Variants in IL1RN observed in about 807,000 individuals in gnomAD.
IL1RN encodes interleukin 1 receptor antagonist.
In IL1RN, 10 loss-of-function variants were observed where a neutral mutation model predicts 13.7. The ratio of observed to expected loss-of-function variants is 0.73; its 90% CI spans 0.45 to 1.24. IL1RN has a LOEUF of 1.24. IL1RN is among the 50% of genes most tolerant of loss of function. The pLI, the probability that IL1RN is intolerant of heterozygous loss-of-function variation, is 0.00. For synonymous variants in IL1RN, 102 were observed against 82.7 expected (o/e 1.23, Z -1.27); for missense variants, 213 against 222.1 (o/e 0.96, Z 0.26).
chr2:113,107,398 C>T (rs1686403135), upstream of IL1RN: 1 of 152,102 alleles, frequency 6.6e-6, no homozygotes, highest in African/African-American at 2.4e-5. Context: ...GAGAGAAAAA[C>T]TAACTGTTAA....
At chr2:113,101,106 T>C in the IL1RN span, among the ~76,000 whole-genome samples, 1 of 151,950 alleles carries the variant, frequency 6.6e-6, no homozygotes, top group East Asian at 1.9e-4. Flanking sequence ...TCTCTAAGAG[T>C]AGTGACTTGT....
upstream of IL1RN, among the ~76,000 whole-genome samples, chr2:113,108,469 T>C (rs1280723414): frequency 6.8e-6 from 1 of 147,660 alleles, no homozygotes; most frequent in Non-Finnish European, 1.5e-5. Context: ...TCTTATCTTA[T>C]CACTCTGACC....
upstream of IL1RN, among the ~76,000 whole-genome samples, chr2:113,115,097 G>A (rs774348581): frequency 3.9e-4 from 59 of 152,330 alleles, no homozygotes; most frequent in African/African-American, 1.2e-3. Context: ...AACTACGGTC[G>A]TAGATAAACA....
chr2:113,099,719 C>CCTTCTTTTTTTTTTTTTTTTTTTTTT, the IL1RN span, among the ~76,000 whole-genome samples: 19 of 80,524 alleles, frequency 2.4e-4, 5 homozygotes, highest in Non-Finnish European at 2.9e-4. Context: ...GCATCCTCTT[C>CCTTCTTTTTTTTTTTTTTTTTTTTTT]TTTCTTTTCT....
upstream of IL1RN, among the ~76,000 whole-genome samples, chr2:113,104,441 G>A (rs1170726005): frequency 3.3e-5 from 5 of 152,106 alleles, no homozygotes; most frequent in African/African-American, 2.4e-5. Flanking sequence ...TAGAGAATCT[G>A]ACTCCTCCTG....
rs182793089 is a variant in IL1RN, at chr2:113,118,658, C to T, written c.10+630C>T. ...AAATTATAAGCTGCCAGTTTGCAAC[C>T]TCCGGTTAGGATTTGTGTGGGGCAA... On this transcript the variant is annotated intron_variant, in intron 1 of 5. Transcript: ENST00000259206. 8.5e-5 allele frequency among the ~76,000 whole-genome samples: 13 copies of T among 152,324 alleles called. No homozygotes were observed. In the East Asian group the frequency reaches 2.1e-3, roughly 25 times the overall value.
intron 1 of IL1RN, among the ~76,000 whole-genome samples, chr2:113,118,923 G>A (rs191464633): frequency 6.6e-6 from 1 of 152,160 alleles, no homozygotes; most frequent in Non-Finnish European, 1.5e-5. Context: ...TGCAATCTTA[G>A]CTACTTGGGT....
In IL1RN at chr2:113,131,872, G is replaced by A. The variant is rs534236913; in HGVS notation, c.318+715G>A. ...ATGCAAGCTTAACCTCAATGTGAGT[G>A]GCCATACTGTGGCACTGTCCCATCC... On this transcript the variant is annotated intron_variant, in intron 3 of 3. Coordinates refer to ENST00000409930, the MANE Select transcript of IL1RN (RefSeq NM_173842.3). Among the ~76,000 whole-genome samples, 13 of 152,238 alleles carry A rather than the reference G, an allele frequency of 8.5e-5. No individual in the cohort carries two copies. The South Asian group carries it at 2.7e-3, about 32-fold the overall frequency.
In IL1RN at chr2:113,130,935, C is replaced by T. The variant is rs1236685169; in HGVS notation, c.206-110C>T. The T allele has an allele frequency of 2.4e-5, 18 of 754,280 alleles. No homozygotes were observed. The East Asian group carries it at 2.8e-4, about 12-fold the overall frequency. 46.7% of individuals were successfully genotyped at this position (754,280 alleles called of 1,614,324 possible). On this transcript the variant is annotated intron_variant, in intron 2 of 3. Transcript: ENST00000409930. ...TGAGACCTCTCTGCCCTTCTGACCT[C>T]GGGATTTTAGTTTTGTGGGGACCAG... is the stretch of plus-strand genomic sequence containing the variant.
chr2:113,102,257 C>T (rs1686325681), upstream of IL1RN, among the ~76,000 whole-genome samples: 1 of 152,222 alleles, frequency 6.6e-6, no homozygotes, highest in South Asian at 2.1e-4. Context: ...TCCTTGGTGT[C>T]TGTGCAGGCA....
At chr2:113,120,258 T>C in intron 2 of IL1RN, 1 of 783,808 alleles carries the variant, frequency 1.3e-6, no homozygotes, top group Non-Finnish European at 2.3e-6. Context: ...ATGAAAACGA[T>C]TGATTACTAA....
rs1351331046 is a variant in IL1RN at position 113,132,982 on chromosome 2, G to A, written c.*111G>A. On this transcript the variant is annotated 3_prime_UTR_variant, in exon 4 of 4. Coordinates refer to ENST00000409930, the MANE Select transcript of IL1RN (RefSeq NM_173842.3). ...GGGGGCACTGAGGACCAGCCATTGA[G>A]GGGTGGACCCTCAGAAGGCGTCACA... 1.1e-5 allele frequency: 11 copies of A among 1,038,042 alleles called. No homozygotes were observed. In the East Asian group the frequency reaches 2.2e-4, roughly 21 times the overall value. The allele number at this position is 1,038,042 out of a possible 1,614,324, so 64.3% of individuals were successfully genotyped here.
At chr2:113,130,308 C>T (rs913856524) in intron 2 of IL1RN, among the ~76,000 whole-genome samples, 1 of 152,200 alleles carries the variant, frequency 6.6e-6, no homozygotes, top group African/African-American at 2.4e-5. Flanking sequence ...CTGTGCCTCG[C>T]TCTGAAAGTG....
At chr2:113,106,276 CAAAGGGATAGTGAAT>C (rs1353357763), upstream of IL1RN, among the ~76,000 whole-genome samples, 1 of 152,106 alleles carries the variant, frequency 6.6e-6, no homozygotes, top group African/African-American at 2.4e-5. Flanking sequence ...ACAAGAACAG[CAAAGGGATAGTGAAT>C]AAAGATACAA....
At chr2:113,130,781 G>A (rs1687138915) in intron 2 of IL1RN, among the ~76,000 whole-genome samples, 1 of 88,646 alleles carries the variant, frequency 1.1e-5, no homozygotes, top group Admixed American at 1.2e-4. Context: ...TAACTGGGTA[G>A]TGTGCATCCT....
At chr2:113,118,915 C>A (rs956210192) in intron 1 of IL1RN, among the ~76,000 whole-genome samples, 6 of 152,052 alleles carry the variant, frequency 3.9e-5, no homozygotes, top group Admixed American at 3.9e-4. Context: ...TGCATGTCTG[C>A]AATCTTAGCT....
At chr2:113,104,131 G>A (rs2104416919), upstream of IL1RN, among the ~76,000 whole-genome samples, 1 of 152,186 alleles carries the variant, frequency 6.6e-6, no homozygotes, top group South Asian at 2.1e-4. Flanking sequence ...GAAGCACTGA[G>A]GAAGGAAGTC....
upstream of IL1RN, among the ~76,000 whole-genome samples, chr2:113,105,227 G>A (rs535802218): frequency 6.6e-6 from 1 of 152,210 alleles, no homozygotes. Context: ...TGATGAACAC[G>A]ATGAGTCAGG....
intron 2 of IL1RN, among the ~76,000 whole-genome samples, chr2:113,121,071 C>T (rs1052102963): frequency 1.6e-5 from 2 of 122,664 alleles, no homozygotes; most frequent in Non-Finnish European, 3.7e-5. Context: ...TCCTCCTCCT[C>T]CTCCTCTTCT....
Sources: gnomAD v4.1 joint callset for allele counts (sites outside exome capture counted in the v4.1 genomes callset) on GRCh38, gnomAD v4.1.1 for gene constraint, MANE v1.5 for transcripts, NCBI Gene and HGNC (gene_info 2026-07-23, HGNC 2026-07-21) for gene names.